The following ACTR3B variants were observed in gnomAD, a reference collection of about 807,000 sequenced individuals.
ACTR3B encodes actin-related protein 3B.
Under a neutral mutation model 59.0 loss-of-function variants are expected in ACTR3B, and 8 were observed. That is an observed-to-expected ratio of 0.14 (90% CI 0.08 to 0.24). The LOEUF is 0.24. Among genes scored for constraint, ACTR3B ranks in the 10% least tolerant of loss-of-function variants. ACTR3B has a pLI of 1.00. For missense variants in ACTR3B, 245 were observed against 552.3 expected (o/e 0.44, Z 5.58); for synonymous variants, 148 against 197.9 (o/e 0.75, Z 2.12).
intron 1 of ACTR3B, among the ~76,000 whole-genome samples, chr7:152,770,935 G>A (rs989661735): frequency 6.7e-6 from 1 of 149,214 alleles, no homozygotes; most frequent in South Asian, 2.1e-4. Flanking sequence ...ACTTTGGAAA[G>A]AGTACTTCAG....
intron 1 of ACTR3B, among the ~76,000 whole-genome samples, chr7:152,780,456 C>T (rs545515949): frequency 1.3e-5 from 2 of 151,386 alleles, no homozygotes; most frequent in Admixed American, 6.6e-5. Context: ...GTGACTTTGA[C>T]AGAGACCTCC....
At chr7:152,844,364 A>G (rs1295299081) in intron 9 of ACTR3B, among the ~76,000 whole-genome samples, 1 of 152,116 alleles carries the variant, frequency 6.6e-6, no homozygotes, top group African/African-American at 2.4e-5. Flanking sequence ...GACCTAAAAA[A>G]CTTTTTTTTA....
intron 4 of ACTR3B, among the ~76,000 whole-genome samples, chr7:152,807,231 A>C (rs571177449): frequency 6.6e-6 from 1 of 152,352 alleles, no homozygotes; most frequent in East Asian, 1.9e-4. Flanking sequence ...AAAATTTGGA[A>C]GATATCTATG....
intron 1 of ACTR3B, among the ~76,000 whole-genome samples, chr7:152,767,148 T>A (rs1260165975): frequency 5.3e-5 from 8 of 151,816 alleles, no homozygotes; most frequent in Non-Finnish European, 1.2e-4. Flanking sequence ...CTAATTCATT[T>A]GGAATTTATC....
At chr7:152,769,519 GTC>G (rs1331308236) in intron 1 of ACTR3B, among the ~76,000 whole-genome samples, 13 of 151,814 alleles carry the variant, frequency 8.6e-5, no homozygotes, top group Admixed American at 8.5e-4. Context: ...TTGCTTTTTA[GTC>G]AATATGAAAA....
At chr7:152,767,235 C>G (rs186363052) in intron 1 of ACTR3B, among the ~76,000 whole-genome samples, 347 of 152,070 alleles carry the variant, frequency 2.3e-3, no homozygotes, top group African/African-American at 7.7e-3. Context: ...CTGTTTATCT[C>G]AACATAATTT....
chr7:152,788,952 G>T (rs1333806942), intron 2 of ACTR3B, among the ~76,000 whole-genome samples: 6 of 152,240 alleles, frequency 3.9e-5, no homozygotes, highest in Admixed American at 3.3e-4. Context: ...GAACCTGGGA[G>T]TCGAGGTTGC....
chr7:152,760,425 C>T (rs1417719816), intron 1 of ACTR3B, among the ~76,000 whole-genome samples: 3 of 152,218 alleles, frequency 2.0e-5, no homozygotes, highest in African/African-American at 7.2e-5. Context: ...CCCGCGTGTG[C>T]GTGTCATTCC....
chr7:152,785,381 G>T (rs1196979762), intron 2 of ACTR3B, among the ~76,000 whole-genome samples: 5 of 12,864 alleles, frequency 3.9e-4, no homozygotes, highest in African/African-American at 1.8e-3. Flanking sequence ...TGTTGTGAGG[G>T]GGGGGGGAGG....
intron 1 of ACTR3B, among the ~76,000 whole-genome samples, chr7:152,767,856 C>T (rs550277035): frequency 6.6e-6 from 1 of 152,062 alleles, no homozygotes; most frequent in African/African-American, 2.4e-5. Flanking sequence ...TTATAACGTG[C>T]TGCTTTACAG....
At chr7:152,815,366 A>T (rs1319666462) in intron 5 of ACTR3B, among the ~76,000 whole-genome samples, 3 of 152,192 alleles carry the variant, frequency 2.0e-5, no homozygotes, top group African/African-American at 7.2e-5. Flanking sequence ...TATGTATTCT[A>T]GCACTTCCAA....
At chr7:152,809,682 A>G (rs1301409909) in intron 4 of ACTR3B, among the ~76,000 whole-genome samples, 3 of 151,890 alleles carry the variant, frequency 2.0e-5, no homozygotes, top group Non-Finnish European at 4.4e-5. Context: ...AGCTAGGACT[A>G]CAGGTATGTG....
chr7:152,852,011 G>T, intron 9 of ACTR3B, 115 bp from the exon 10 acceptor site: 10 of 1,397,942 alleles, frequency 7.2e-6, no homozygotes, highest in Non-Finnish European at 9.9e-6. Flanking sequence ...TCTTTCATAG[G>T]GCCGATGTGT....
At chr7:152,781,284 AT>A (rs535463119) in intron 1 of ACTR3B, among the ~76,000 whole-genome samples, 5 of 114,096 alleles carry the variant, frequency 4.4e-5, no homozygotes, top group Middle Eastern at 7.9e-3. Context: ...GATATCTGTG[AT>A]TTTTTTTTTC....
Position 152,852,225 on chromosome 7 carries a change from G to A in ACTR3B, c.1051G>A (p.Glu351Lys). 6.2e-6 allele frequency: 10 copies of A among 1,613,890 alleles called. No homozygotes were observed. Among genetic ancestry groups the A allele is most frequent in the Non-Finnish European group, 8.5e-6 (10 of 1,179,982 alleles). ...GGTGGATGCTAGGCTGAGGCTCAGC[G>A]AGGAGCTCAGCGGCGGGAGGATCAA... ...RVVDARLRLS[E>K]ELSGGRIKPK... The change falls in exon 10 of 12, where the codon GAG becomes AAG. Residue 351 changes from glutamate (E) to lysine (K), a missense_variant. Physicochemically the swap from Glu to Lys is moderately conservative, Grantham distance 56. Transcript: ENST00000256001.
At chr7:152,838,775 G>A (rs1164796714) in intron 9 of ACTR3B, among the ~76,000 whole-genome samples, 50 of 152,310 alleles carry the variant, frequency 3.3e-4, no homozygotes, top group African/African-American at 1.1e-3. Flanking sequence ...TCTATTAGGA[G>A]ATGGCAAGTC....
chr7:152,795,560 A>C (rs2098213383), intron 2 of ACTR3B, among the ~76,000 whole-genome samples: 1 of 152,236 alleles, frequency 6.6e-6, no homozygotes, highest in South Asian at 2.1e-4. Context: ...TGAGGCATTA[A>C]AGGTAAATGA....
intron 9 of ACTR3B, among the ~76,000 whole-genome samples, chr7:152,842,521 G>T (rs11982206): frequency 0.019 from 2,897 of 152,140 alleles, 102 homozygotes; most frequent in African/African-American, 0.067. Flanking sequence ...CCGTGGAGCG[G>T]GAGCCGCAGA....
At chr7:152,852,395 A>G (rs1798887425) in intron 10 of ACTR3B, 144 bp downstream of exon 10, 3 of 1,107,858 alleles carry the variant, frequency 2.7e-6, no homozygotes, top group South Asian at 1.9e-5. Context: ...GCATTGTGAC[A>G]TGACCATGGA....
Sources: allele counts gnomAD v4.1 joint callset (sites outside exome capture counted in the v4.1 genomes callset), GRCh38; gene constraint gnomAD v4.1.1; transcripts MANE v1.5; gene names NCBI Gene and HGNC (gene_info 2026-07-23, HGNC 2026-07-21).